The following EPHA6 variants were observed in gnomAD, a reference collection of about 807,000 sequenced individuals.
The protein encoded by EPHA6 is ephrin type-A receptor 6.
EPHA6 carries 50 observed loss-of-function variants against 112.0 expected under a neutral mutation model. That is an observed-to-expected ratio of 0.45 (90% confidence interval 0.36 to 0.56). The LOEUF is 0.56. Among genes scored for constraint, EPHA6 ranks in the 20% least tolerant of loss-of-function variants. The probability of loss-of-function intolerance (pLI) is 0.00; values close to 1 mark genes in which losing one functional copy is unlikely to be tolerated. For missense variants in EPHA6, 1,280 were observed against 1,417.4 expected, an observed-to-expected ratio of 0.90 and a Z score of 1.56; for synonymous variants, 529 against 490.7, an observed-to-expected ratio of 1.08 and a Z score of -1.03.
intron 3 of EPHA6, among the ~76,000 whole-genome samples, chr3:97,077,934 G>A (rs961299002): frequency 1.3e-5 from 2 of 152,186 alleles, no homozygotes; most frequent in African/African-American, 4.8e-5. Flanking sequence ...GGGCCAAATG[G>A]TATTTCTACC....
At position 97,328,054 on chromosome 3, in the gene EPHA6, CATATATAT is replaced by C. The variant is rs71286029; in HGVS notation, c.1607-77078_1607-77071del. ...GTGTATATATACACACATATATACACATATATATATATATATATATATATAACCTGTTT... is the reference window on the plus strand; with the variant it reads ...GTGTATATATACACACATATATACACATATATATATATATATAACCTGTTT... On this transcript the variant is annotated intron_variant, in intron 5 of 17. Transcript: ENST00000389672. Among the ~76,000 whole-genome samples, 10 of 120,918 alleles carry C rather than the reference CATATATAT, an allele frequency of 8.3e-5. 2 individuals carry two copies. The highest frequency in any genetic ancestry group is 3.5e-4 in the African/African-American group (9 of 25,914). 79.3% of individuals were successfully genotyped at this position (120,918 alleles called of 152,430 possible). A position where few individuals can be genotyped will look rare whatever the true frequency, so the allele number is the denominator to read the frequency against.
chr3:96,912,138 G>T (rs562099262), intron 2 of EPHA6, among the ~76,000 whole-genome samples: 1 of 152,164 alleles, frequency 6.6e-6, no homozygotes, highest in East Asian at 1.9e-4. Context: ...CTGTCTGTCA[G>T]TTTACAGCAT....
At chr3:97,116,130 A>C (rs2047879644) in intron 3 of EPHA6, among the ~76,000 whole-genome samples, 1 of 151,794 alleles carries the variant, frequency 6.6e-6, no homozygotes, top group Admixed American at 6.6e-5. Context: ...AATTGTTTGC[A>C]TGTGTCTTCT....
chr3:97,544,200 C>A (rs1344545404), intron 11 of EPHA6, among the ~76,000 whole-genome samples: 2 of 152,094 alleles, frequency 1.3e-5, no homozygotes, highest in Admixed American at 1.3e-4. Flanking sequence ...CCAGTTTTTG[C>A]CCATTCAGTA....
At chr3:97,468,225 A>G (rs1338149704) in intron 7 of EPHA6, among the ~76,000 whole-genome samples, 2 of 151,526 alleles carry the variant, frequency 1.3e-5, no homozygotes, top group African/African-American at 4.8e-5. Context: ...TTCAGCTGAG[A>G]AATCAGTAAT....
chr3:97,466,303 A>G, intron 7 of EPHA6: 1 of 1,461,030 alleles, frequency 6.8e-7, no homozygotes, highest in Non-Finnish European at 9.6e-7. Context: ...GCAACATAAT[A>G]AACAATGAGA....
At chr3:96,820,281 A>G (rs773392576) in intron 1 of EPHA6, among the ~76,000 whole-genome samples, 2 of 152,084 alleles carry the variant, frequency 1.3e-5, no homozygotes, top group Non-Finnish European at 1.5e-5. Flanking sequence ...GCATGAATCT[A>G]TAGGGAGGTT....
intron 5 of EPHA6, among the ~76,000 whole-genome samples, chr3:97,367,408 C>G (rs993349167): frequency 1.3e-5 from 2 of 152,086 alleles, no homozygotes; most frequent in African/African-American, 4.8e-5. Context: ...TGGCTCACCT[C>G]CTGCGTGTTA....
intron 12 of EPHA6, among the ~76,000 whole-genome samples, chr3:97,601,443 A>T (rs928926721): frequency 6.6e-6 from 1 of 152,108 alleles, no homozygotes; most frequent in African/African-American, 2.4e-5. Flanking sequence ...CCCTCATGGG[A>T]TGCTGGACCA....
chr3:97,269,324 C>T (rs1266428159), intron 5 of EPHA6, among the ~76,000 whole-genome samples: 1 of 152,164 alleles, frequency 6.6e-6, no homozygotes, highest in African/African-American at 2.4e-5. Context: ...TTGTCAATTA[C>T]TCCAGGTATC....
intron 12 of EPHA6, among the ~76,000 whole-genome samples, chr3:97,597,165 T>C (rs2093601691): frequency 6.6e-6 from 1 of 152,024 alleles, no homozygotes; most frequent in African/African-American, 2.4e-5. Context: ...CCTTTGTGGT[T>C]AATCGTAGAA....
chr3:97,419,077 G>A (rs2088377597), intron 6 of EPHA6, among the ~76,000 whole-genome samples: 6 of 152,132 alleles, frequency 3.9e-5, no homozygotes, highest in Admixed American at 3.9e-4. Context: ...AGCCAAGGCG[G>A]GCGAATCACC....
At chr3:97,688,881 T>C (rs2032453350) in intron 14 of EPHA6, among the ~76,000 whole-genome samples, 1 of 152,190 alleles carries the variant, frequency 6.6e-6, no homozygotes, top group Admixed American at 6.5e-5. Flanking sequence ...CTTTCATTCA[T>C]AAAAGAGCTA....
chr3:97,340,255 A>T (rs943950640), intron 5 of EPHA6, among the ~76,000 whole-genome samples: 6 of 152,012 alleles, frequency 3.9e-5, no homozygotes, highest in African/African-American at 4.8e-5. Context: ...TGGCTTTTGT[A>T]CTCCCACAAC....
chr3:97,369,317 A>G (rs1434870880), intron 5 of EPHA6, among the ~76,000 whole-genome samples: 1 of 152,206 alleles, frequency 6.6e-6, no homozygotes, highest in Non-Finnish European at 1.5e-5. Flanking sequence ...CAAGTGTGAA[A>G]GGACCAGTTA....
intron 16 of EPHA6, among the ~76,000 whole-genome samples, chr3:97,742,158 T>G (rs374737037): frequency 6.6e-6 from 1 of 152,160 alleles, no homozygotes; most frequent in Admixed American, 6.6e-5. Context: ...TTTCTCACTA[T>G]GGCAGATATT....
At chr3:97,154,659 G>A (rs775870928) in intron 3 of EPHA6, among the ~76,000 whole-genome samples, 10 of 152,224 alleles carry the variant, frequency 6.6e-5, no homozygotes, top group Middle Eastern at 3.4e-3. Flanking sequence ...TATTGCTTGT[G>A]TAATAATGCT....
At chr3:97,728,908 T>G (rs2107823809) in intron 15 of EPHA6, among the ~76,000 whole-genome samples, 1 of 152,226 alleles carries the variant, frequency 6.6e-6, no homozygotes, top group South Asian at 2.1e-4. Flanking sequence ...TACATGTTGT[T>G]CCTCATTTTG....
chr3:97,244,067 C>G lies in EPHA6; in HGVS notation c.1386C>G (p.Ile462Met), dbSNP rs770135644. ...GAAAAGATCTCACATACAGTGTAAT[C>G]TGTAAGAAATGTGGCTTAGACACCA... ...GGRKDLTYSV[I>M]CKKCGLDTSQ... Residue 462 changes from isoleucine (I) to methionine (M), a missense_variant, in exon 5 of 18, where the codon ATC becomes ATG. Ile to Met is a conservative substitution (Grantham distance 10). Transcript: ENST00000389672. The G allele has an allele frequency of 1.2e-6, 2 of 1,612,888 alleles. No homozygotes were observed. The highest frequency in any genetic ancestry group is 1.1e-5 in the South Asian group (1 of 91,050).
Sources: allele counts gnomAD v4.1 joint callset (sites outside exome capture counted in the v4.1 genomes callset), GRCh38; gene constraint gnomAD v4.1.1; transcripts MANE v1.5; gene names NCBI Gene and HGNC (gene_info 2026-07-23, HGNC 2026-07-21).